The following CEP350 variants were observed in gnomAD, a reference collection of about 807,000 sequenced individuals.
The protein encoded by CEP350 is centrosome-associated protein 350.
A neutral mutation model predicts 331.8 loss-of-function variants in CEP350; 126 were observed. The observed-to-expected ratio is 0.38, with a 90% CI of 0.33 to 0.44. CEP350 has a LOEUF of 0.44. CEP350 is among the 20% of genes least tolerant of loss of function. The pLI is 1.00. For synonymous variants in CEP350, 1,200 were observed against 1,259.5 expected (o/e 0.95, Z 1.00); for missense variants, 3,406 against 3,634.6 (o/e 0.94, Z 1.62).
At position 179,966,178 on chromosome 1, in the gene CEP350, C is replaced by A. The variant is rs141978616; in HGVS notation, c.-14+11036C>A. Among the ~76,000 whole-genome samples, 1,209 of 152,242 alleles carry A rather than the reference C, an allele frequency of 7.9e-3. 9 individuals are homozygous for A. The highest frequency in any genetic ancestry group is 0.023 in the South Asian group (109 of 4,820). On this transcript the variant is annotated intron_variant, in intron 1 of 37. Coordinates refer to ENST00000367607, the MANE Select transcript of CEP350 (RefSeq NM_014810.5). ...GATTAGCAGATTTAATTTTTCTTAACAATTAGTTGCTTAAGCTTTTTATTT... is the reference window on the plus strand; with the variant it reads ...GATTAGCAGATTTAATTTTTCTTAAAAATTAGTTGCTTAAGCTTTTTATTT...
At chr1:180,063,377 G>A (rs149919242) in intron 26 of CEP350, among the ~76,000 whole-genome samples, 1,632 of 151,558 alleles carry the variant, frequency 0.011, 21 homozygotes, top group Non-Finnish European at 0.015. Flanking sequence ...ATTTTTTATA[G>A]AGATGGAGTT....
chr1:180,078,728 G>C, intron 29 of CEP350, 54 bp downstream of exon 29: 1 of 1,435,962 alleles, frequency 7.0e-7, no homozygotes, highest in Non-Finnish European at 9.5e-7. Context: ...AAACTGAAAG[G>C]TATGTTAGCA....
intron 5 of CEP350, among the ~76,000 whole-genome samples, chr1:179,992,502 A>G (rs1034068348): frequency 2.0e-5 from 3 of 152,196 alleles, no homozygotes; most frequent in African/African-American, 4.8e-5. Context: ...TACGTTTCCT[A>G]GAAACAAATT....
chr1:180,065,734 G>A (rs1658509898), intron 27 of CEP350, among the ~76,000 whole-genome samples: 1 of 151,756 alleles, frequency 6.6e-6, no homozygotes, highest in African/African-American at 2.4e-5. Flanking sequence ...CTCCAGCCAG[G>A]GTGACAGAGC....
chr1:179,995,347 T>A (rs1267320995), intron 5 of CEP350, among the ~76,000 whole-genome samples: 1 of 152,170 alleles, frequency 6.6e-6, no homozygotes, highest in Non-Finnish European at 1.5e-5. Flanking sequence ...ACACCTGTAA[T>A]CCCAGCACTT....
In CEP350 at chr1:180,094,552, T is replaced by G. The variant is rs777527139; in HGVS notation, c.8447T>G (p.Phe2816Cys). Residue 2816 changes from phenylalanine to cysteine, a missense_variant, in exon 34 of 38, where the codon TTC becomes TGC. Physicochemically the swap from Phe to Cys is radical, Grantham distance 205 (BLOSUM62 -2). Transcript: ENST00000367607. ...EEQSPSISGC[F>C]LSSELEDEKE... is the part of the protein sequence containing the mutation. ...CAGTCGCCAAGTATTTCAGGTTGCT[T>G]CTTAAGTTCTGAATTGGAAGATGAA... 8.7e-6 allele frequency: 14 copies of G among 1,613,902 alleles called. No individual in the cohort carries two copies. The East Asian group carries it at 2.9e-4, about 33-fold the overall frequency.
rs539129959 is a variant in CEP350 at position 180,011,278 on chromosome 1, ACTCTTTGTTATATGTTTCCTC to A, written c.1247-649_1247-629del. Among the ~76,000 whole-genome samples the A allele has an allele frequency of 3.4e-3, 510 of 151,846 alleles. 2 individuals carry two copies. Among genetic ancestry groups the A allele is most frequent in the African/African-American group, 0.012 (480 of 41,414 alleles). On this transcript the variant is annotated intron_variant, in intron 8 of 37. Coordinates refer to ENST00000367607, the MANE Select transcript of CEP350 (RefSeq NM_014810.5). ...TCCCCTTCAAAAGTAATCATTGTTA[ACTCTTTGTTATATGTTTCCTC>A]CAAATTTTTTACATGTTCTTTGATT...
chr1:180,105,988 C>G (rs1661119546), intron 37 of CEP350, among the ~76,000 whole-genome samples: 1 of 152,182 alleles, frequency 6.6e-6, no homozygotes, highest in African/African-American at 2.4e-5. Context: ...ACCTCTAGTT[C>G]TCATTCACTC....
chr1:180,080,847 A>T (rs999793984), intron 30 of CEP350, among the ~76,000 whole-genome samples, 186 bp downstream of exon 30: 1 of 152,006 alleles, frequency 6.6e-6, no homozygotes, highest in Non-Finnish European at 1.5e-5. Context: ...AGTTAGGCAT[A>T]TTCAGTGTAT....
chr1:180,047,522 C>A (rs771919505), intron 21 of CEP350, among the ~76,000 whole-genome samples: 2 of 151,626 alleles, frequency 1.3e-5, no homozygotes, highest in Non-Finnish European at 2.9e-5. Context: ...TTTGGGAGAC[C>A]GAGGCAGGTG....
chr1:180,005,838 T>C (rs1426499557), intron 7 of CEP350, among the ~76,000 whole-genome samples: 1 of 152,224 alleles, frequency 6.6e-6, no homozygotes, highest in Admixed American at 6.5e-5. Context: ...CCTTTACTTA[T>C]ACTTATTTCC....
intron 13 of CEP350, 30 bp from the exon 14 acceptor site, chr1:180,024,389 C>A (rs1040316369): frequency 1.3e-6 from 2 of 1,577,918 alleles, no homozygotes; most frequent in Admixed American, 1.9e-5. Flanking sequence ...ACTTTTCTTT[C>A]TGGAACTACT....
intron 27 of CEP350, among the ~76,000 whole-genome samples, chr1:180,072,526 G>T (rs1658958481): frequency 6.6e-6 from 1 of 152,020 alleles, no homozygotes; most frequent in Admixed American, 6.5e-5. Flanking sequence ...TAAGTTTATT[G>T]TACGTTCATA....
In CEP350 at chr1:180,054,421, A is replaced by G; in HGVS notation, c.5181A>G (p.Leu1727=). 1 of 1,589,670 alleles carries G rather than the reference A, an allele frequency of 6.3e-7. No homozygotes were observed. The highest frequency in any genetic ancestry group is 8.6e-7 in the Non-Finnish European group (1 of 1,166,998). ...LAWLEHQKKH[L]RDKGEDDKMP... Reference sequence around the variant, plus strand: ...TGAAAAATATTATTTGCAGACATCTACGAGACAAAGGAGAGGATGATAAAA... The same window carrying G: ...TGAAAAATATTATTTGCAGACATCTGCGAGACAAAGGAGAGGATGATAAAA... The change falls in exon 25 of 38, where the codon CTA becomes CTG. Residue 1727 remains leucine, a synonymous_variant. Transcript: ENST00000367607.
intron 13 of CEP350, among the ~76,000 whole-genome samples, chr1:180,023,194 C>T (rs1655445887): frequency 6.6e-6 from 1 of 152,034 alleles, no homozygotes; most frequent in South Asian, 2.1e-4. Flanking sequence ...ATCGCTTGAA[C>T]CTGGGAGGTG....
intron 32 of CEP350, among the ~76,000 whole-genome samples, 161 bp from the exon 33 acceptor site, chr1:180,090,545 CAAAAAAAA>C (rs36128628): frequency 9.0e-5 from 7 of 77,378 alleles, no homozygotes; most frequent in South Asian, 9.5e-4. Context: ...GACTCCGTCT[CAAAAAAAA>C]AAAAAAAAAA....
chr1:180,103,434 T>A (rs1032224087), intron 37 of CEP350, among the ~76,000 whole-genome samples: 1 of 152,206 alleles, frequency 6.6e-6, no homozygotes, highest in African/African-American at 2.4e-5. Flanking sequence ...AAGGAAAACC[T>A]TACCAAGGAC....
In CEP350 at chr1:180,092,770, C is replaced by T; in HGVS notation, c.6665C>T (p.Ser2222Phe). 1 of 1,588,232 alleles carries T rather than the reference C, an allele frequency of 6.3e-7. No individual in the cohort carries two copies. Among genetic ancestry groups the T allele is most frequent in the Non-Finnish European group, 8.6e-7 (1 of 1,165,788 alleles). ...SRKIREESGD[S>F]LENVPALHLL... ...AAAATCAGAGAAGAATCTGGAGATT[C>T]TCTAGAAAATGTACCTGCATTACAT... The change falls in exon 34 of 38, where the codon TCT (serine) becomes TTT (phenylalanine). Residue 2222 changes from serine to phenylalanine, a missense_variant. Coordinates refer to ENST00000367607, the MANE Select transcript of CEP350 (RefSeq NM_014810.5).
At chr1:179,958,152 A>G (rs944602431) in intron 1 of CEP350, among the ~76,000 whole-genome samples, 2 of 152,204 alleles carry the variant, frequency 1.3e-5, no homozygotes, top group Non-Finnish European at 2.9e-5. Flanking sequence ...TAAAAACTCA[A>G]AATGGGCCTT....
Sources: allele counts gnomAD v4.1 joint callset (sites outside exome capture counted in the v4.1 genomes callset), GRCh38; gene constraint gnomAD v4.1.1; transcripts MANE v1.5; gene names NCBI Gene and HGNC (gene_info 2026-07-23, HGNC 2026-07-21).